APBA2: variants seen among roughly 807,000 people sequenced by gnomAD.
The protein encoded by APBA2 is amyloid beta precursor protein binding family A member 2, also known as amyloid-beta A4 precursor protein-binding family A member 2.
In APBA2, 30 loss-of-function variants were observed where a neutral mutation model predicts 75.0. That is an observed-to-expected ratio of 0.40 (90% CI 0.30 to 0.54). The LOEUF (loss-of-function observed/expected upper bound fraction) is 0.54, where lower values mean the gene tolerates loss of function less well. Ranked by LOEUF, APBA2 falls within the 20% of genes least tolerant of loss-of-function variation. The pLI is 0.49. For synonymous variants in APBA2, 444 were observed against 409.6 expected (o/e 1.08, Z -1.01); for missense variants, 801 against 1,016.1 (o/e 0.79, Z 2.88).
intron 2 of APBA2, among the ~76,000 whole-genome samples, chr15:28,958,038 A>G (rs2036267892): frequency 6.6e-6 from 1 of 152,164 alleles, no homozygotes; most frequent in Admixed American, 6.5e-5. Flanking sequence ...TCTTTGCAGA[A>G]GTGGCCAGCA....
intron 1 of APBA2, among the ~76,000 whole-genome samples, chr15:28,886,744 C>T (rs1308275724): frequency 6.6e-6 from 1 of 152,212 alleles, no homozygotes; most frequent in Non-Finnish European, 1.5e-5. Flanking sequence ...AAGCCCAGAT[C>T]TTCGCCCCCT....
chr15:29,097,352 A>G (rs1487554617), intron 8 of APBA2, among the ~76,000 whole-genome samples: 1 of 152,234 alleles, frequency 6.6e-6, no homozygotes, highest in African/African-American at 2.4e-5. Context: ...CATCTCGGTC[A>G]AGCTCCCGGG....
rs187632152 is a variant in APBA2, at chr15:28,976,880, A to T, written c.-94-18873A>T. On this transcript the variant is annotated intron_variant, in intron 2 of 14. Coordinates refer to ENST00000683413, the MANE Select transcript of APBA2 (RefSeq NM_001353788.2). Reference sequence around the variant, plus strand: ...TTCTCTTTTGGAGAGCAATTAATATAAGACTGAGGTGATATGTTCCTCAAT... The same window carrying T: ...TTCTCTTTTGGAGAGCAATTAATATTAGACTGAGGTGATATGTTCCTCAAT... Among the ~76,000 whole-genome samples the T allele has an allele frequency of 2.2e-4, 33 of 152,298 alleles. 1 individual carries two copies. The highest frequency in any genetic ancestry group is 2.2e-3 in the Admixed American group (33 of 15,296).
chr15:29,039,021 G>A (rs1414399031), intron 3 of APBA2, among the ~76,000 whole-genome samples: 1 of 151,536 alleles, frequency 6.6e-6, no homozygotes, highest in Non-Finnish European at 1.5e-5. Flanking sequence ...GTTGATCAAG[G>A]AAGAAGATGA....
intron 3 of APBA2, among the ~76,000 whole-genome samples, chr15:29,020,420 C>G (rs909015907): frequency 6.6e-6 from 1 of 151,186 alleles, no homozygotes; most frequent in African/African-American, 2.4e-5. Flanking sequence ...AAACTTATTT[C>G]TTTTTTAAAA....
intron 2 of APBA2, among the ~76,000 whole-genome samples, chr15:28,980,397 C>T (rs772033294): frequency 1.4e-4 from 22 of 152,172 alleles, no homozygotes; most frequent in Admixed American, 8.5e-4. Flanking sequence ...CAAGATACAA[C>T]ATCAATGTAG....
intron 3 of APBA2, among the ~76,000 whole-genome samples, chr15:29,004,057 C>G (rs2038988513): frequency 2.0e-5 from 3 of 152,186 alleles, no homozygotes. Flanking sequence ...CTTCCTGTCT[C>G]CCACTAACCT....
At chr15:29,004,269 T>G (rs2038997949) in intron 3 of APBA2, among the ~76,000 whole-genome samples, 1 of 152,184 alleles carries the variant, frequency 6.6e-6, no homozygotes, top group East Asian at 1.9e-4. Flanking sequence ...CTTCCTGATC[T>G]CAGTCTTGGA....
At chr15:28,905,200 C>T (rs1307744897) in intron 1 of APBA2, among the ~76,000 whole-genome samples, 3 of 152,122 alleles carry the variant, frequency 2.0e-5, no homozygotes, top group Non-Finnish European at 4.4e-5. Context: ...ATTCTGCGGC[C>T]CCAGGAGGAT....
At position 28,893,708 on chromosome 15, in the gene APBA2, G is replaced by A. The variant is rs569576258; in HGVS notation, c.-205+7430G>A. On this transcript the variant is annotated intron_variant, in intron 1 of 14. Coordinates refer to ENST00000683413, the MANE Select transcript of APBA2 (RefSeq NM_001353788.2). Reference sequence around the variant, plus strand: ...TCATCGTTTTGCAGGTTGGATGTGCGGTTGTTGGGGAAGACATCTTTGTGC... The same window carrying A: ...TCATCGTTTTGCAGGTTGGATGTGCAGTTGTTGGGGAAGACATCTTTGTGC... Among the ~76,000 whole-genome samples the A allele has an allele frequency of 2.0e-5, 3 of 152,286 alleles. No homozygotes were observed. The East Asian group carries it at 5.8e-4, about 29-fold the overall frequency.
At chr15:28,907,172 G>A (rs1241539996) in intron 1 of APBA2, among the ~76,000 whole-genome samples, 1 of 152,144 alleles carries the variant, frequency 6.6e-6, no homozygotes, top group African/African-American at 2.4e-5. Flanking sequence ...TTTAGATGTA[G>A]TGTGAGTTGG....
In APBA2 at chr15:29,012,151, C is replaced by G. The variant is rs963612193; in HGVS notation, c.-41+16345C>G. Among the ~76,000 whole-genome samples the G allele has an allele frequency of 6.4e-4, 97 of 152,166 alleles. 2 individuals carry two copies. The highest frequency in any genetic ancestry group is 1.6e-3 in the Admixed American group (25 of 15,288). On this transcript the variant is annotated intron_variant, in intron 3 of 14. Transcript: ENST00000683413. The stretch of plus-strand genomic sequence containing the variant: ...GCATTATTATTAACTGAAGTCCATA[C>G]TTCATTCACATTTTCTTAGTTTTTA...
At chr15:29,094,760 A>G (rs1328246467) in intron 8 of APBA2, among the ~76,000 whole-genome samples, 1 of 152,162 alleles carries the variant, frequency 6.6e-6, no homozygotes, top group African/African-American at 2.4e-5. Flanking sequence ...TGCTTTCTTT[A>G]TTGGAAATGA....
intron 3 of APBA2, among the ~76,000 whole-genome samples, chr15:29,026,123 A>G (rs2040210947): frequency 6.6e-6 from 1 of 152,104 alleles, no homozygotes; most frequent in Non-Finnish European, 1.5e-5. Context: ...ACCCCTACCC[A>G]GCAACCTTCA....
chr15:28,901,373 G>C (rs547488216), intron 1 of APBA2, among the ~76,000 whole-genome samples: 2 of 143,190 alleles, frequency 1.4e-5, no homozygotes, highest in South Asian at 2.6e-4. Flanking sequence ...AGCGTGGCAC[G>C]GCAGGGCCCT....
intron 2 of APBA2, among the ~76,000 whole-genome samples, chr15:28,968,281 T>C (rs2036850006): frequency 6.6e-6 from 1 of 152,242 alleles, no homozygotes; most frequent in African/African-American, 2.4e-5. Context: ...TAGACCCTGC[T>C]TTTCATTCTT....
intron 2 of APBA2, among the ~76,000 whole-genome samples, chr15:28,975,061 A>G (rs34448928): frequency 6.6e-6 from 1 of 152,200 alleles, no homozygotes; most frequent in South Asian, 2.1e-4. Flanking sequence ...AATGACATTA[A>G]CAGAACAGAG....
chr15:28,997,820 A>G lies in APBA2; in HGVS notation c.-41+2014A>G, dbSNP rs554955077. 1.8e-3 allele frequency among the ~76,000 whole-genome samples: 276 copies of G among 152,326 alleles called. 1 individual carries two copies. Among genetic ancestry groups the G allele is most frequent in the African/African-American group, 6.5e-3 (271 of 41,564 alleles). On this transcript the variant is annotated intron_variant, in intron 3 of 14. Transcript: ENST00000683413. ...AAATACTATTAGACGATCAAAATCAATTGCAATAGAGAAGGTGCTGGGCTC... is the reference window on the plus strand; with the variant it reads ...AAATACTATTAGACGATCAAAATCAGTTGCAATAGAGAAGGTGCTGGGCTC...
rs547155656 is a variant in APBA2, at chr15:29,065,399, T to A, written c.952-9522T>A. ...TGCCCAAGATGTGATAGCGTGGTGA[T>A]GGCAGACATGGGAGTTTTACCCCAA... On this transcript the variant is annotated intron_variant, in intron 4 of 14. Transcript: ENST00000683413. Among the ~76,000 whole-genome samples the A allele has an allele frequency of 2.0e-5, 3 of 152,334 alleles. No individual in the cohort carries two copies. The South Asian group carries it at 6.2e-4, about 32-fold the overall frequency.
Sources: gnomAD v4.1 joint callset for allele counts (sites outside exome capture counted in the v4.1 genomes callset) on GRCh38, gnomAD v4.1.1 for gene constraint, MANE v1.5 for transcripts, NCBI Gene and HGNC (gene_info 2026-07-23, HGNC 2026-07-21) for gene names.